NDUFAF6: variants seen among roughly 807,000 people sequenced by gnomAD.
NDUFAF6 encodes the protein NADH dehydrogenase (ubiquinone) complex I, assembly factor 6.
NDUFAF6 carries 45 observed loss-of-function variants against 40.8 expected under a neutral mutation model. The ratio of observed to expected loss-of-function variants is 1.10; its 90% CI spans 0.87 to 1.42. The LOEUF is 1.42. Ranked by LOEUF, NDUFAF6 falls within the 40% of genes most tolerant of loss-of-function variation. NDUFAF6 has a pLI of 0.00. For synonymous variants in NDUFAF6, 185 were observed against 155.9 expected (o/e 1.19, Z -1.39); for missense variants, 435 against 418.5 (o/e 1.04, Z -0.34).
chr8:95,091,409 C>T (rs1307733663), intron 2 of NDUFAF6, among the ~76,000 whole-genome samples: 1 of 152,006 alleles, frequency 6.6e-6, no homozygotes, highest in Non-Finnish European at 1.5e-5. Flanking sequence ...AAACTGTCCT[C>T]ATGATACAGT....
intron 1 of NDUFAF6, among the ~76,000 whole-genome samples, chr8:94,961,381 C>G (rs1823554916): frequency 6.6e-6 from 1 of 152,222 alleles, no homozygotes; most frequent in Non-Finnish European, 1.5e-5. Flanking sequence ...TTAAACTGGT[C>G]CTCACAACAA....
intron 2 of NDUFAF6, among the ~76,000 whole-genome samples, chr8:95,088,732 C>G (rs931644384): frequency 0.083 from 10,333 of 125,018 alleles, 704 homozygotes; most frequent in African/African-American, 0.21. Flanking sequence ...TGTGTGTTTT[C>G]TTTTTGTTTT....
chr8:94,962,135 C>A (rs1278312444), intron 1 of NDUFAF6, among the ~76,000 whole-genome samples: 3 of 152,216 alleles, frequency 2.0e-5, no homozygotes, highest in African/African-American at 7.2e-5. Flanking sequence ...TGAAAAGGGA[C>A]AGAGTTGGCC....
chr8:94,993,749 T>A (rs1826294215), intron 2 of NDUFAF6, among the ~76,000 whole-genome samples: 1 of 152,112 alleles, frequency 6.6e-6, no homozygotes, highest in Admixed American at 6.5e-5. Flanking sequence ...GAAGTGCCCA[T>A]CCAGCCCACA....
intron 2 of NDUFAF6, among the ~76,000 whole-genome samples, chr8:94,986,973 T>C (rs77449836): frequency 2.0e-5 from 3 of 152,344 alleles, no homozygotes; most frequent in South Asian, 2.1e-4. Flanking sequence ...GATTTTTTTT[T>C]CAAAGGAACA....
intron 2 of NDUFAF6, among the ~76,000 whole-genome samples, chr8:95,001,804 C>T (rs1182505082): frequency 6.6e-6 from 1 of 152,202 alleles, no homozygotes; most frequent in African/African-American, 2.4e-5. Context: ...TGGTTTGAGT[C>T]ATTCACAGAT....
chr8:95,073,245 C>G (rs549397458), intron 9 of NDUFAF6: 4 of 152,310 alleles, frequency 2.6e-5, no homozygotes, highest in African/African-American at 9.6e-5. Flanking sequence ...CTCGCCCTTG[C>G]GCGCGCAGCC....
At chr8:94,920,163 A>G (rs368679748) in intron 1 of NDUFAF6, among the ~76,000 whole-genome samples, 2 of 152,242 alleles carry the variant, frequency 1.3e-5, no homozygotes, top group Admixed American at 1.3e-4. Flanking sequence ...GTGTATATCT[A>G]TACATATAGT....
At chr8:95,045,310 T>C (rs750450667) in intron 4 of NDUFAF6, among the ~76,000 whole-genome samples, 8 of 152,202 alleles carry the variant, frequency 5.3e-5, no homozygotes, top group Non-Finnish European at 1.0e-4. Flanking sequence ...AAAAATGCCA[T>C]GTCCATGGTG....
intron 1 of NDUFAF6, chr8:94,974,905 A>G (rs946124594): frequency 6.6e-6 from 1 of 152,284 alleles, no homozygotes; most frequent in Non-Finnish European, 1.5e-5. Context: ...ACACCTGTAG[A>G]TGTTTGTCCA....
intron 1 of NDUFAF6, chr8:94,940,346 A>G (rs1368033419): frequency 8.9e-7 from 1 of 1,129,074 alleles, no homozygotes; most frequent in East Asian, 2.4e-5. Context: ...AGAAGAGATG[A>G]TACTATTAGC....
chr8:95,116,755 A>G (rs1235996087), downstream of NDUFAF6, among the ~76,000 whole-genome samples: 1 of 152,206 alleles, frequency 6.6e-6, no homozygotes. Flanking sequence ...TGTTGACACT[A>G]TTAGTTAGAA....
chr8:94,937,712 G>A (rs906745149), intron 1 of NDUFAF6, among the ~76,000 whole-genome samples: 2 of 152,142 alleles, frequency 1.3e-5, no homozygotes, highest in African/African-American at 4.8e-5. Flanking sequence ...AAGCAGGGAT[G>A]GTTCCTGAGC....
intron 1 of NDUFAF6, among the ~76,000 whole-genome samples, chr8:94,904,753 G>C (rs544824151): frequency 2.6e-5 from 4 of 151,648 alleles, no homozygotes; most frequent in Non-Finnish European, 5.9e-5. Context: ...TAATGTCCAG[G>C]CTCCTTTTTC....
intron 2 of NDUFAF6, among the ~76,000 whole-genome samples, chr8:94,947,680 T>C (rs1204056680): frequency 1.3e-5 from 2 of 152,234 alleles, no homozygotes; most frequent in Non-Finnish European, 2.9e-5. Flanking sequence ...TCCACCCCTG[T>C]CTGCCCCTAA....
intron 2 of NDUFAF6, chr8:95,034,582 A>G (rs1473429171): frequency 6.5e-6 from 1 of 152,824 alleles, no homozygotes; most frequent in African/African-American, 2.4e-5. Flanking sequence ...TTTAAGAATT[A>G]AAATGTTTCT....
upstream of NDUFAF6, among the ~76,000 whole-genome samples, chr8:95,021,852 A>G (rs1053700217): frequency 3.9e-5 from 6 of 152,168 alleles, no homozygotes; most frequent in African/African-American, 1.2e-4. Flanking sequence ...CAAGTCAAAC[A>G]AAAGCATGGG....
At chr8:95,099,554 T>TGG (rs1809586628), upstream of NDUFAF6, among the ~76,000 whole-genome samples, 1 of 150,932 alleles carries the variant, frequency 6.6e-6, no homozygotes, top group Non-Finnish European at 1.5e-5. Context: ...AAGATCAGCC[T>TGG]GGGCAACATA....
intron 4 of NDUFAF6, among the ~76,000 whole-genome samples, chr8:95,113,049 T>C (rs954325642): frequency 6.6e-6 from 1 of 152,138 alleles, no homozygotes; most frequent in Non-Finnish European, 1.5e-5. Context: ...GAGTAGACGA[T>C]CTCTTTGAGA....
Sources: allele counts gnomAD v4.1 joint callset (sites outside exome capture counted in the v4.1 genomes callset), GRCh38; gene constraint gnomAD v4.1.1; transcripts MANE v1.5; gene names NCBI Gene and HGNC (gene_info 2026-07-23, HGNC 2026-07-21).